The following CCNY variants were observed in gnomAD, a reference collection of about 807,000 sequenced individuals.
CCNY encodes cyclin Y.
Under a neutral mutation model 42.8 loss-of-function variants are expected in CCNY, and 19 were observed. The observed-to-expected ratio is 0.44, with a 90% CI of 0.31 to 0.65. The LOEUF is 0.65. Among genes scored for constraint, CCNY ranks in the 30% least tolerant of loss-of-function variants. The pLI is 0.07. For synonymous variants in CCNY, 165 were observed against 162.7 expected (o/e 1.01, Z -0.11); for missense variants, 370 against 437.3 (o/e 0.85, Z 1.37).
rs1253512670 is a variant in CCNY, at chr10:35,571,066, A to G, written c.*1896A>G. On this transcript the variant is annotated 3_prime_UTR_variant, in exon 10 of 10. Coordinates refer to ENST00000374704, the MANE Select transcript of CCNY (RefSeq NM_145012.6). ...CAAAAAATGTAGAAAATATCATTTT[A>G]TATTCCCTAATCTATATAGCTGAAA... The G allele has an allele frequency of 1.3e-5, 2 of 152,250 alleles. No homozygotes were observed. 9.4% of individuals were successfully genotyped at this position (152,250 alleles called of 1,614,324 possible).
intron 1 of CCNY, among the ~76,000 whole-genome samples, chr10:35,384,635 G>A (rs888943320): frequency 3.3e-5 from 5 of 152,140 alleles, no homozygotes; most frequent in African/African-American, 1.2e-4. Context: ...GGGGCGGGGT[G>A]GGTACACATC....
chr10:35,327,756 A>T (rs566826693), intron 3 of CCNY: 1 of 152,476 alleles, frequency 6.6e-6, no homozygotes, highest in Admixed American at 6.5e-5. Context: ...TGGGGGTGAG[A>T]GGTACGAGTC....
chr10:35,382,581 T>C (rs1025055317), intron 1 of CCNY, among the ~76,000 whole-genome samples: 2 of 152,150 alleles, frequency 1.3e-5, no homozygotes, highest in African/African-American at 4.8e-5. Flanking sequence ...ATTGGCATCT[T>C]GTGGGTAAAG....
chr10:35,275,355 T>A (rs1161310785), intron 3 of CCNY, among the ~76,000 whole-genome samples: 19 of 151,686 alleles, frequency 1.3e-4, no homozygotes, highest in Admixed American at 1.2e-3. Context: ...CGTGAGCCAC[T>A]GCGCCCAGTC....
rs34429228 is a variant in CCNY, at chr10:35,419,533, C to CT, written c.155-63856dup. On this transcript the variant is annotated intron_variant, in intron 1 of 9. Transcript: ENST00000374704. ...AGGACTGGGTTGCATTAGACCGTTC[C>CT]TTTTTTTTTTTTTTTAGCAATCTGG... Among the ~76,000 whole-genome samples, 348 of 129,660 alleles carry CT rather than the reference C, an allele frequency of 2.7e-3. 8 individuals carry two copies. Among genetic ancestry groups the CT allele is most frequent in the East Asian group, 6.3e-3 (29 of 4,610 alleles). The allele number at this position is 129,660 out of a possible 152,430, so 85.1% of individuals were successfully genotyped here. A position where few individuals can be genotyped will look rare whatever the true frequency, so the allele number is the denominator to read the frequency against.
chr10:35,562,247 A>G (rs1841481211), intron 8 of CCNY, among the ~76,000 whole-genome samples: 1 of 152,238 alleles, frequency 6.6e-6, no homozygotes, highest in Non-Finnish European at 1.5e-5. Flanking sequence ...TCACAGAGAA[A>G]GAACTTCAGT....
At position 35,482,748 on chromosome 10, in the gene CCNY, A is replaced by AGG. The variant is rs1171691272; in HGVS notation, c.155-655_155-654dup. Among the ~76,000 whole-genome samples the AGG allele has an allele frequency of 7.7e-5, 6 of 77,550 alleles. No homozygotes were observed. The East Asian group carries it at 1.5e-3, about 19-fold the overall frequency. 50.9% of individuals were successfully genotyped at this position (77,550 alleles called of 152,430 possible). A position where few individuals can be genotyped will look rare whatever the true frequency, so the allele number is the denominator to read the frequency against. On this transcript the variant is annotated intron_variant, in intron 1 of 9. Transcript: ENST00000374704. ...TGATTTCTCAAGGGAAGCTGGAAAT[A>AGG]GGTGTGTGTGTGTGTGTGTGTGTGT...
intron 3 of CCNY, among the ~76,000 whole-genome samples, chr10:35,512,847 ATAGT>A (rs761570446): frequency 5.3e-5 from 8 of 151,972 alleles, no homozygotes. Flanking sequence ...AGCAGTTGAA[ATAGT>A]TGGGAGGAAG....
intron 3 of CCNY, among the ~76,000 whole-genome samples, chr10:35,513,463 G>A (rs990138953): frequency 3.9e-5 from 6 of 152,232 alleles, no homozygotes; most frequent in Middle Eastern, 3.4e-3. Context: ...AATGTTGCAG[G>A]CATTAGGCAT....
At chr10:35,520,891 A>G (rs947473157) in intron 4 of CCNY, among the ~76,000 whole-genome samples, 1 of 152,158 alleles carries the variant, frequency 6.6e-6, no homozygotes, top group Non-Finnish European at 1.5e-5. Flanking sequence ...GCATAAGATG[A>G]TGATCAAAGA....
At chr10:35,368,864 C>G (rs535863927) in intron 1 of CCNY, among the ~76,000 whole-genome samples, 1 of 152,112 alleles carries the variant, frequency 6.6e-6, no homozygotes, top group Non-Finnish European at 1.5e-5. Context: ...CTCGGAGGTA[C>G]CAGAGGAAGT....
intron 7 of CCNY, among the ~76,000 whole-genome samples, chr10:35,538,851 T>C (rs1043913856): frequency 2.0e-5 from 3 of 152,204 alleles, no homozygotes; most frequent in Admixed American, 6.5e-5. Flanking sequence ...CTAAGAATCA[T>C]TGCATAACCC....
rs914303238 is a variant in CCNY at position 35,451,726 on chromosome 10, G to A, written c.155-31678G>A. ...TAGTGCCTGGGCCACACGGGGCTGG[G>A]CCTGTTAACCAGGGCAGGCTCGGGG... On this transcript the variant is annotated intron_variant, in intron 1 of 9. Transcript: ENST00000374704. Among the ~76,000 whole-genome samples, 4 of 152,348 alleles carry A rather than the reference G, an allele frequency of 2.6e-5. No individual in the cohort carries two copies. In the East Asian group the frequency reaches 7.7e-4, roughly 29 times the overall value.
Position 35,568,988 on chromosome 10 carries a change from A to T in CCNY, c.910-66A>T, listed in dbSNP as rs1336338073. The stretch of plus-strand genomic sequence containing the variant: ...CCCTCATGCAGCGCCCTCGGCGCCC[A>T]GGACGAGTGAGCAATGGACGCAGAT... On this transcript the variant is annotated intron_variant, in intron 9 of 9. Transcript: ENST00000374704. 2.6e-5 allele frequency: 28 copies of T among 1,073,954 alleles called. No individual in the cohort carries two copies. In the Admixed American group the frequency reaches 4.8e-4, roughly 18 times the overall value. 66.5% of individuals were successfully genotyped at this position (1,073,954 alleles called of 1,614,324 possible).
chr10:35,271,718 C>A (rs1393917255), intron 3 of CCNY, among the ~76,000 whole-genome samples: 1 of 152,180 alleles, frequency 6.6e-6, no homozygotes, highest in Non-Finnish European at 1.5e-5. Context: ...CCCCTCCAAC[C>A]CCACTGGGGC....
chr10:35,486,849 T>C (rs1219882759), intron 2 of CCNY, among the ~76,000 whole-genome samples: 2 of 152,198 alleles, frequency 1.3e-5, no homozygotes, highest in South Asian at 4.1e-4. Flanking sequence ...ATTTCTTCTG[T>C]CCTCCAGGCT....
intron 1 of CCNY, among the ~76,000 whole-genome samples, chr10:35,415,635 C>T (rs573996245): frequency 6.6e-6 from 1 of 152,314 alleles, no homozygotes; most frequent in East Asian, 1.9e-4. Flanking sequence ...TCTGTCTCCT[C>T]TGCTCTTGGC....
chr10:35,321,299 T>C (rs899685130), intron 3 of CCNY, among the ~76,000 whole-genome samples: 5 of 152,148 alleles, frequency 3.3e-5, no homozygotes, highest in Non-Finnish European at 1.5e-5. Context: ...AGATATACTA[T>C]GTCTATGAAC....
At chr10:35,549,529 A>G (rs990534713) in intron 7 of CCNY, among the ~76,000 whole-genome samples, 13 of 149,148 alleles carry the variant, frequency 8.7e-5, no homozygotes, top group Non-Finnish European at 1.6e-4. Context: ...TGCGCTGCTC[A>G]TGGCCCATGA....
Sources: gnomAD v4.1 joint callset for allele counts (sites outside exome capture counted in the v4.1 genomes callset) on GRCh38, gnomAD v4.1.1 for gene constraint, MANE v1.5 for transcripts, NCBI Gene and HGNC (gene_info 2026-07-23, HGNC 2026-07-21) for gene names.